Variants in ABL1 observed in about 807,000 individuals in gnomAD.
ABL1 encodes tyrosine-protein kinase ABL1.
In ABL1, 11 loss-of-function variants were observed where a neutral mutation model predicts 94.7. The ratio of observed to expected loss-of-function variants is 0.12; its 90% confidence interval spans 0.07 to 0.19. The LOEUF is 0.19. Among genes scored for constraint, ABL1 ranks in the 10% least tolerant of loss-of-function variants. The probability of loss-of-function intolerance (pLI) is 1.00; values close to 1 mark genes in which losing one functional copy is unlikely to be tolerated. For synonymous variants in ABL1, 656 were observed against 622.4 expected (o/e 1.05, Z -0.80); for missense variants, 1,082 against 1,489.4 (o/e 0.73, Z 4.50).
rs566565222 is a variant in ABL1, at chr9:130,746,914, CAG to C, written c.136+32460_136+32461del. On this transcript the variant is annotated intron_variant, in intron 1 of 10. Coordinates refer to the ABL1 transcript ENST00000372348. ...GAAATTAGTATCACTGGGCCAAAATCAGGGGGACAGCAGGGCCTTGCTTCCTC... is the reference window on the plus strand; with the variant it reads ...GAAATTAGTATCACTGGGCCAAAATCGGGGACAGCAGGGCCTTGCTTCCTC... 3.3e-5 allele frequency among the ~76,000 whole-genome samples: 5 copies of C among 152,234 alleles called. No individual in the cohort carries two copies. In the South Asian group the frequency reaches 6.2e-4, roughly 19 times the overall value.
At chr9:130,728,874 A>G (rs1170641963) in intron 1 of ABL1, among the ~76,000 whole-genome samples, 1 of 151,914 alleles carries the variant, frequency 6.6e-6, no homozygotes, top group Non-Finnish European at 1.5e-5. Flanking sequence ...TATGAGTCAG[A>G]TTTTCCTGCA....
At chr9:130,715,994 C>T (rs1831432304) in intron 1 of ABL1, among the ~76,000 whole-genome samples, 1 of 150,896 alleles carries the variant, frequency 6.6e-6, no homozygotes. Flanking sequence ...TCATGACGTG[C>T]ACTCACAGTT....
At chr9:130,850,985 G>A (rs569707625) in intron 1 of ABL1, among the ~76,000 whole-genome samples, 12 of 151,964 alleles carry the variant, frequency 7.9e-5, no homozygotes, top group African/African-American at 2.7e-4. Flanking sequence ...GTATAGTGGC[G>A]TGATCTCGGC....
intron 1 of ABL1, among the ~76,000 whole-genome samples, chr9:130,821,664 C>CTTT (rs1212377521): frequency 7.4e-6 from 1 of 135,512 alleles, no homozygotes; most frequent in African/African-American, 2.7e-5. Context: ...ATTGCTGAGT[C>CTTT]TTTTTTTTTT....
intron 10 of ABL1, 56 bp from the exon 11 acceptor site, chr9:130,883,913 C>T (rs1176963957): frequency 3.2e-6 from 5 of 1,540,592 alleles, no homozygotes; most frequent in Non-Finnish European, 4.4e-6. Flanking sequence ...AAGCGATTCT[C>T]CTCTGTCAGC....
rs1831516597 is a variant in ABL1, at chr9:130,884,083, A to G, written c.1793A>G (p.Asn598Ser). 2.5e-6 allele frequency: 4 copies of G among 1,613,866 alleles called. No individual in the cohort carries two copies. Among genetic ancestry groups the G allele is most frequent in the Non-Finnish European group, 3.4e-6 (4 of 1,180,030 alleles). ...CTTCTCCCCAAAGACAAAAAGACCA[A>G]CTTGTTCAGCGCCTTGATCAAGAAG... is the stretch of plus-strand genomic sequence containing the variant. The part of the protein sequence containing the change: ...ERLLPKDKKT[N>S]LFSALIKKKK... Residue 598 changes from asparagine to serine, a missense_variant, in exon 11 of 11, where the codon AAC becomes AGC. By Grantham distance (46) the Asn-to-Ser change is conservative. Around this residue, in one of 7 missense-constraint regions of ABL1, gnomAD observed 780 missense variants for 835.8 expected, o/e 0.93. Transcript: ENST00000318560. The surrounding 1 kb of genome is among the most constrained non-coding windows in gnomAD (Gnocchi z 5.6).
intron 1 of ABL1, among the ~76,000 whole-genome samples, chr9:130,735,961 A>ATATATATATATTTT (rs573602038): frequency 6.5e-4 from 62 of 94,832 alleles, no homozygotes; most frequent in East Asian, 5.3e-3. Flanking sequence ...ATATATATAT[A>ATATATATATATTTT]TTTTTTTTTT....
intron 1 of ABL1, among the ~76,000 whole-genome samples, chr9:130,766,395 A>G (rs1832183766): frequency 1.3e-5 from 2 of 152,186 alleles, no homozygotes; most frequent in South Asian, 2.1e-4. Context: ...CATGCAGTGA[A>G]GGGCGGCCCC....
intron 1 of ABL1, among the ~76,000 whole-genome samples, chr9:130,759,963 ATTTTTTTTTTTTTT>A (rs34154339): frequency 1.1e-5 from 1 of 93,028 alleles, no homozygotes; most frequent in African/African-American, 4.7e-5. Flanking sequence ...AGGTAATTTA[ATTTTTTTTTTTTTT>A]TTTTTTTTTT....
intron 1 of ABL1, among the ~76,000 whole-genome samples, chr9:130,815,070 A>T (rs1588250104): frequency 6.6e-6 from 1 of 152,178 alleles, no homozygotes; most frequent in East Asian, 1.9e-4. Context: ...ATGGTGGCTC[A>T]CGCCTGTAAT....
chr9:130,874,847 G>A, intron 6 of ABL1, 21 bp from the exon 7 acceptor site: 1 of 1,613,620 alleles, frequency 6.2e-7, no homozygotes, highest in Non-Finnish European at 8.5e-7. Flanking sequence ...GCTCTCATGG[G>A]TGAACATTTT....
At chr9:130,784,311 T>C (rs1451784120) in intron 1 of ABL1, among the ~76,000 whole-genome samples, 1 of 152,114 alleles carries the variant, frequency 6.6e-6, no homozygotes, top group Non-Finnish European at 1.5e-5. Flanking sequence ...TAAAGACATA[T>C]AGTAATATAG....
chr9:130,869,900 C>G (rs1831225453), intron 4 of ABL1, among the ~76,000 whole-genome samples: 1 of 152,198 alleles, frequency 6.6e-6, no homozygotes, highest in Admixed American at 6.5e-5. Flanking sequence ...TCTTGGCTCA[C>G]TGCAACCTCC....
At chr9:130,826,488 G>C (rs1416929745) in intron 1 of ABL1, among the ~76,000 whole-genome samples, 1 of 152,106 alleles carries the variant, frequency 6.6e-6, no homozygotes, top group African/African-American at 2.4e-5. Flanking sequence ...GAGACAGTAG[G>C]GGATAAGAAA....
chr9:130,855,443 C>T (rs1021582837), intron 3 of ABL1, among the ~76,000 whole-genome samples: 13 of 152,156 alleles, frequency 8.5e-5, no homozygotes, highest in African/African-American at 2.9e-4. Flanking sequence ...TCATCCCCAA[C>T]GAGAAAAATT....
At chr9:130,808,698 C>T (rs926509324) in intron 1 of ABL1, among the ~76,000 whole-genome samples, 1 of 152,146 alleles carries the variant, frequency 6.6e-6, no homozygotes, top group African/African-American at 2.4e-5. Context: ...AGTCTTGTAG[C>T]TCTAAACTCC....
rs373016637 is a variant in ABL1 at position 130,885,005 on chromosome 9, C to T, written c.2715C>T (p.Ala905=). ...CTGCCCCGCCGCCCCCACCAGCAGCCTCTGCAGGGAAGGCTGGAGGAAAGC... is the reference window on the plus strand; with the variant it reads ...CTGCCCCGCCGCCCCCACCAGCAGCTTCTGCAGGGAAGGCTGGAGGAAAGC... The part of the protein sequence containing the change: ...LKPAPPPPPA[A]SAGKAGGKPS... The change falls in exon 11 of 11, where the codon GCC becomes GCT. Residue 905 remains alanine, a synonymous_variant. Coordinates refer to ENST00000318560, the MANE Select transcript of ABL1 (RefSeq NM_005157.6). The T allele has an allele frequency of 6.2e-7, 1 of 1,611,820 alleles. No individual in the cohort carries two copies. Among genetic ancestry groups the T allele is most frequent in the Admixed American group, 1.7e-5 (1 of 59,884 alleles).
chr9:130,885,116 C>T lies in ABL1; in HGVS notation c.2826C>T (p.Asn942=), dbSNP rs2133038835. The change falls in exon 11 of 11, where the codon AAC becomes AAT. Residue 942 remains asparagine, a synonymous_variant. Coordinates refer to ENST00000318560, the MANE Select transcript of ABL1 (RefSeq NM_005157.6). ...TKATSLVDAV[N]SDAAKPSQPG... is the part of the protein sequence containing the mutation. ...CCACGAGTCTGGTTGATGCTGTGAA[C>T]AGTGACGCTGCCAAGCCCAGCCAGC... 1.9e-6 allele frequency: 3 copies of T among 1,612,374 alleles called. No individual in the cohort carries two copies. Among genetic ancestry groups the T allele is most frequent in the Middle Eastern group, 1.7e-4 (1 of 6,060 alleles).
intron 1 of ABL1, among the ~76,000 whole-genome samples, chr9:130,778,857 G>A (rs1256267654): frequency 6.6e-6 from 1 of 151,840 alleles, no homozygotes; most frequent in African/African-American, 2.4e-5. Context: ...GTGATATTAT[G>A]GATTCCTACG....
Sources: gnomAD v4.1 joint callset for allele counts (sites outside exome capture counted in the v4.1 genomes callset) on GRCh38, gnomAD v4.1.1 for gene constraint, gnomAD v4.1.1 regional missense constraint, Gnocchi (gnomAD v3.1) non-coding constraint, MANE v1.5 for transcripts, NCBI Gene and HGNC (gene_info 2026-07-23, HGNC 2026-07-21) for gene names.